The following JARID2 variants were observed in gnomAD, a reference collection of about 807,000 sequenced individuals.
The protein encoded by JARID2 is protein Jumonji.
In JARID2, 21 loss-of-function variants were observed where a neutral mutation model predicts 125.6. The observed-to-expected ratio is 0.17, with a 90% confidence interval of 0.12 to 0.24. The LOEUF is 0.24. Ranked by LOEUF, JARID2 falls within the 10% of genes least tolerant of loss-of-function variation. The pLI, the probability that JARID2 is intolerant of heterozygous loss-of-function variation, is 1.00. For synonymous variants in JARID2, 736 were observed against 661.6 expected (o/e 1.11, Z -1.73); for missense variants, 1,303 against 1,639.6 (o/e 0.79, Z 3.55).
intron 1 of JARID2, among the ~76,000 whole-genome samples, chr6:15,370,844 A>G (rs1764141545): frequency 6.6e-6 from 1 of 152,192 alleles, no homozygotes; most frequent in Non-Finnish European, 1.5e-5. Flanking sequence ...ATGATTCACC[A>G]TGACCCTACA....
At chr6:15,363,653 A>G (rs936807369) in intron 1 of JARID2, among the ~76,000 whole-genome samples, 9 of 152,228 alleles carry the variant, frequency 5.9e-5, no homozygotes, top group Admixed American at 5.9e-4. Context: ...TCTGAACCTC[A>G]GTTTCAGCAT....
chr6:15,251,568 T>C (rs1230929541), intron 1 of JARID2, among the ~76,000 whole-genome samples: 1 of 152,226 alleles, frequency 6.6e-6, no homozygotes, highest in African/African-American at 2.4e-5. Context: ...GGGATGTACC[T>C]CTGTCCCCTT....
At chr6:15,254,642 T>C (rs1189534669) in intron 1 of JARID2, among the ~76,000 whole-genome samples, 1 of 152,160 alleles carries the variant, frequency 6.6e-6, no homozygotes, top group South Asian at 2.1e-4. Context: ...TCTAATTTTG[T>C]AAGTCTGTCA....
intron 3 of JARID2, among the ~76,000 whole-genome samples, chr6:15,427,056 T>C (rs1218974606): frequency 1.3e-5 from 2 of 152,178 alleles, no homozygotes; most frequent in Non-Finnish European, 2.9e-5. Context: ...ATGCTTATCT[T>C]CCTGAAATTG....
At chr6:15,402,569 A>T (rs1467878052) in intron 2 of JARID2, among the ~76,000 whole-genome samples, 1 of 152,156 alleles carries the variant, frequency 6.6e-6, no homozygotes, top group Non-Finnish European at 1.5e-5. Context: ...TCTCAAAAAA[A>T]AATGCCCTTG....
intron 1 of JARID2, among the ~76,000 whole-genome samples, chr6:15,372,596 C>T (rs1393063777): frequency 1.3e-5 from 2 of 152,054 alleles, no homozygotes; most frequent in Admixed American, 6.6e-5. Flanking sequence ...CCTTGTGATC[C>T]GTCCGCCTTG....
At chr6:15,473,898 C>T (rs1292382743) in intron 5 of JARID2, among the ~76,000 whole-genome samples, 1 of 152,170 alleles carries the variant, frequency 6.6e-6, no homozygotes, top group Non-Finnish European at 1.5e-5. Context: ...ACTTGGAATG[C>T]TCCTCCGATT....
intron 1 of JARID2, among the ~76,000 whole-genome samples, chr6:15,360,920 C>T (rs1023253461): frequency 1.3e-5 from 2 of 152,196 alleles, no homozygotes; most frequent in African/African-American, 2.4e-5. Flanking sequence ...ACTTTTAAAT[C>T]AATACATAAA....
intron 5 of JARID2, among the ~76,000 whole-genome samples, chr6:15,474,290 G>A (rs754508750): frequency 9.2e-5 from 14 of 152,070 alleles, no homozygotes; most frequent in Non-Finnish European, 1.8e-4. Flanking sequence ...TCTCAGCTGT[G>A]GAATATTCTC....
chr6:15,384,013 C>T (rs1050760297), intron 2 of JARID2, among the ~76,000 whole-genome samples: 3 of 151,814 alleles, frequency 2.0e-5, no homozygotes, highest in Non-Finnish European at 4.4e-5. Flanking sequence ...AGGCTGGTCT[C>T]GAACTCCTGA....
chr6:15,382,292 T>A (rs1038620065), intron 2 of JARID2, among the ~76,000 whole-genome samples: 1 of 151,962 alleles, frequency 6.6e-6, no homozygotes, highest in Non-Finnish European at 1.5e-5. Context: ...CAAACGAGTG[T>A]ATGGGTGAGT....
intron 5 of JARID2, among the ~76,000 whole-genome samples, chr6:15,474,132 T>C (rs557872857): frequency 2.0e-5 from 3 of 152,264 alleles, no homozygotes; most frequent in Non-Finnish European, 4.4e-5. Flanking sequence ...ACTTGTGATA[T>C]TGGGAGTAAT....
intron 1 of JARID2, among the ~76,000 whole-genome samples, chr6:15,341,398 A>G (rs1763066966): frequency 6.6e-6 from 1 of 152,220 alleles, no homozygotes; most frequent in Non-Finnish European, 1.5e-5. Context: ...AGGGGCTTTC[A>G]GCTTCTCTGC....
chr6:15,313,193 C>T (rs1349883460), intron 1 of JARID2, among the ~76,000 whole-genome samples: 1 of 152,088 alleles, frequency 6.6e-6, no homozygotes, highest in Non-Finnish European at 1.5e-5. Context: ...AATATGTTGA[C>T]TTAGAATAGC....
intron 2 of JARID2, among the ~76,000 whole-genome samples, chr6:15,380,569 C>CT: frequency 6.6e-6 from 1 of 152,278 alleles, no homozygotes; most frequent in Non-Finnish European, 1.5e-5. Flanking sequence ...TTCTGGCTGG[C>CT]TGGAACTCAC....
intron 3 of JARID2, among the ~76,000 whole-genome samples, chr6:15,433,863 CCT>C (rs914759544): frequency 2.7e-5 from 4 of 150,828 alleles, no homozygotes; most frequent in South Asian, 2.1e-4. Context: ...CCATCATACC[CCT>C]GTTTTTTAAA....
chr6:15,407,173 T>C (rs1765685423), intron 2 of JARID2, among the ~76,000 whole-genome samples: 1 of 152,024 alleles, frequency 6.6e-6, no homozygotes, highest in Non-Finnish European at 1.5e-5. Context: ...GGCTTGAGCC[T>C]AGGAGGACTG....
chr6:15,274,503 A>G (rs1376584693), intron 1 of JARID2, among the ~76,000 whole-genome samples: 1 of 152,190 alleles, frequency 6.6e-6, no homozygotes, highest in East Asian at 1.9e-4. Context: ...GAAAAGGGCA[A>G]TTTGGCATGC....
intron 1 of JARID2, among the ~76,000 whole-genome samples, chr6:15,287,996 A>AT (rs1761066499): frequency 6.6e-6 from 1 of 152,174 alleles, no homozygotes; most frequent in East Asian, 1.9e-4. Flanking sequence ...GATGACACAA[A>AT]TAGCAGTTGA....
Sources: allele counts gnomAD v4.1 joint callset (sites outside exome capture counted in the v4.1 genomes callset), GRCh38; gene constraint gnomAD v4.1.1; transcripts MANE v1.5; gene names NCBI Gene and HGNC (gene_info 2026-07-23, HGNC 2026-07-21).